Variants in RAB6A observed in about 807,000 individuals in gnomAD.
RAB6A encodes the protein RAB6A, member RAS oncogene family, also known as ras-related protein Rab-6A.
Under a neutral mutation model 32.3 loss-of-function variants are expected in RAB6A, and 8 were observed. That is an observed-to-expected ratio of 0.25 (90% CI 0.15 to 0.45). The LOEUF is 0.45. Ranked by LOEUF, RAB6A falls within the 20% of genes least tolerant of loss-of-function variation. RAB6A has a pLI of 1.00. For synonymous variants in RAB6A, 73 were observed against 82.1 expected (o/e 0.89, Z 0.60); for missense variants, 104 against 249.4 (o/e 0.42, Z 3.93).
rs1555066941 is a variant in RAB6A at position 73,739,284 on chromosome 11, AAT to A, written c.71-8463_71-8462del. On this transcript the variant is annotated intron_variant, in intron 1 of 7. Coordinates refer to ENST00000336083, the MANE Select transcript of RAB6A (RefSeq NM_198896.2). ...TAATTAAAAAAAAAAAAAAAAAAAA[AAT>A]ATATATATATATATATATAAATACT... Among the ~76,000 whole-genome samples, 17 of 6,764 alleles carry A rather than the reference AAT, an allele frequency of 2.5e-3. 1 individual carries two copies. The highest frequency in any genetic ancestry group is 5.2e-3 in the African/African-American group (16 of 3,080). The allele number at this position is 6,764 out of a possible 152,430, so 4.4% of individuals were successfully genotyped here.
At chr11:73,706,443 G>A (rs1945845018) in intron 6 of RAB6A, among the ~76,000 whole-genome samples, 1 of 151,856 alleles carries the variant, frequency 6.6e-6, no homozygotes, top group South Asian at 2.1e-4. Context: ...GAACCTGGGA[G>A]GTGAAGCTTG....
Position 73,718,641 on chromosome 11 carries a change from A to G in RAB6A, c.261T>C (p.Thr87=), listed in dbSNP as rs376077760. 4.3e-6 allele frequency: 7 copies of G among 1,613,934 alleles called. No homozygotes were observed. Among genetic ancestry groups the G allele is most frequent in the Non-Finnish European group, 5.1e-6 (6 of 1,179,964 alleles). The part of the protein sequence containing the change: ...SLIPSYIRDS[T]VAVVVYDITN... ...TGATATCATAAACAACAACTGCCACAGTGGAGTCACGAATGTAGCTAGGAA... is the reference window on the plus strand; with the variant it reads ...TGATATCATAAACAACAACTGCCACGGTGGAGTCACGAATGTAGCTAGGAA... The change falls in exon 4 of 8, where the codon ACT becomes ACC. Residue 87 remains threonine, a synonymous_variant. Coordinates refer to ENST00000336083, the MANE Select transcript of RAB6A (RefSeq NM_198896.2).
rs1240317160 is a variant in RAB6A at position 73,677,192 on chromosome 11, TCTTCTA to T, written c.*700_*705del. On this transcript the variant is annotated 3_prime_UTR_variant, in exon 8 of 8. Transcript: ENST00000336083. The stretch of plus-strand genomic sequence containing the variant: ...TTTTAGTCAGAAATACATCTTATGT[TCTTCTA>T]CTTCTAAGTACTCAGTATGTTCTTT... 1 of 167,136 alleles carries T rather than the reference TCTTCTA, an allele frequency of 6.0e-6. No homozygotes were observed. The highest frequency in any genetic ancestry group is 1.5e-5 in the Non-Finnish European group (1 of 68,134). The allele number at this position is 167,136 out of a possible 1,614,324, so 10.4% of individuals were successfully genotyped here.
At chr11:73,737,476 C>G (rs567957151) in intron 1 of RAB6A, among the ~76,000 whole-genome samples, 2 of 151,756 alleles carry the variant, frequency 1.3e-5, no homozygotes, top group Non-Finnish European at 2.9e-5. Flanking sequence ...GAGCAAGACC[C>G]TGTTTCTAAA....
intron 1 of RAB6A, among the ~76,000 whole-genome samples, chr11:73,740,859 G>A (rs1304559995): frequency 6.6e-6 from 1 of 151,334 alleles, no homozygotes; most frequent in African/African-American, 2.4e-5. Flanking sequence ...GTGCACTCCA[G>A]CCTGGGCAAC....
chr11:73,714,209 A>ATATATATATATATAT (rs1555059762), intron 5 of RAB6A, among the ~76,000 whole-genome samples: 17 of 57,550 alleles, frequency 3.0e-4, no homozygotes, highest in East Asian at 1.2e-3. Context: ...AAAAAAAAAA[A>ATATATATATATATAT]ATATATATAT....
chr11:73,718,601 C>T lies in RAB6A; in HGVS notation c.289+12G>A. 6.3e-7 allele frequency: 1 copy of T among 1,594,194 alleles called. No homozygotes were observed. Among genetic ancestry groups the T allele is most frequent in the East Asian group, 2.2e-5 (1 of 44,728 alleles). ...GAAAGAAGATTAGAAATGCATAATT[C>T]CCTCCACTCACTTGTGATATCATAA... On this transcript the variant is annotated intron_variant, in intron 4 of 7. Transcript: ENST00000336083.
intron 6 of RAB6A, among the ~76,000 whole-genome samples, chr11:73,690,821 G>A (rs1945544415): frequency 6.6e-6 from 1 of 150,848 alleles, no homozygotes; most frequent in Non-Finnish European, 1.5e-5. Context: ...AAGTGTCTCT[G>A]GACTCAGCTC....
intron 3 of RAB6A, 195 bp from the exon 4 acceptor site, chr11:73,718,913 T>TAAAAAA: frequency 8.6e-7 from 1 of 1,165,904 alleles, no homozygotes; most frequent in Non-Finnish European, 1.1e-6. Flanking sequence ...AAAAAATAAA[T>TAAAAAA]AAAAAAAAAA....
chr11:73,707,011 G>A (rs748875220), intron 6 of RAB6A, among the ~76,000 whole-genome samples: 4 of 151,708 alleles, frequency 2.6e-5, no homozygotes, highest in Non-Finnish European at 5.9e-5. Flanking sequence ...CCAGCTACCC[G>A]AGAGGCTGAG....
At chr11:73,698,517 G>T (rs1462342913) in intron 6 of RAB6A, among the ~76,000 whole-genome samples, 1 of 152,196 alleles carries the variant, frequency 6.6e-6, no homozygotes, top group African/African-American at 2.4e-5. Flanking sequence ...CTAGCAGATA[G>T]TATTTAGGCA....
At chr11:73,692,133 T>C (rs926827934) in intron 6 of RAB6A, among the ~76,000 whole-genome samples, 1 of 152,168 alleles carries the variant, frequency 6.6e-6, no homozygotes, top group Non-Finnish European at 1.5e-5. Flanking sequence ...TTCAGAGAGC[T>C]TATTTTCATA....
chr11:73,702,295 G>GA (rs1257376302), intron 6 of RAB6A, among the ~76,000 whole-genome samples: 1 of 152,096 alleles, frequency 6.6e-6, no homozygotes, highest in African/African-American at 2.4e-5. Flanking sequence ...TGAGTAGCTG[G>GA]AACTACAGGT....
In RAB6A at chr11:73,749,064, G is replaced by T. The variant is rs1328427688; in HGVS notation, c.70+11502C>A. Reference sequence around the variant, plus strand: ...CTCTTGAACCCGGAAGGCAAAGCTTGCAGTGAGCCGAGATCACGACACTGC... The same window carrying T: ...CTCTTGAACCCGGAAGGCAAAGCTTTCAGTGAGCCGAGATCACGACACTGC... On this transcript the variant is annotated intron_variant, in intron 1 of 7. Coordinates refer to ENST00000336083, the MANE Select transcript of RAB6A (RefSeq NM_198896.2). Among the ~76,000 whole-genome samples the T allele has an allele frequency of 2.0e-5, 3 of 152,076 alleles. No homozygotes were observed. In the East Asian group the frequency reaches 5.8e-4, roughly 29 times the overall value.
At chr11:73,679,348 A>T (rs934393623) in intron 7 of RAB6A, among the ~76,000 whole-genome samples, 17 of 152,220 alleles carry the variant, frequency 1.1e-4, no homozygotes, top group African/African-American at 3.9e-4. Flanking sequence ...ATGAGGAAAA[A>T]GCCTAGAGTC....
intron 6 of RAB6A, among the ~76,000 whole-genome samples, chr11:73,689,052 G>C (rs1222232050): frequency 6.6e-6 from 1 of 152,046 alleles, no homozygotes. Context: ...GAGCCCAGAA[G>C]TTGAGGCTGT....
chr11:73,725,107 A>G (rs936183255), intron 2 of RAB6A, among the ~76,000 whole-genome samples: 1 of 152,248 alleles, frequency 6.6e-6, no homozygotes, highest in Admixed American at 6.5e-5. Flanking sequence ...AAATACTGTT[A>G]CATGTACTTA....
intron 5 of RAB6A, among the ~76,000 whole-genome samples, chr11:73,709,848 T>C (rs192152619): frequency 1.2e-3 from 55 of 46,090 alleles, no homozygotes; most frequent in Admixed American, 6.6e-3. Flanking sequence ...TACACATATA[T>C]ATACATATAT....
intron 1 of RAB6A, among the ~76,000 whole-genome samples, chr11:73,731,571 GA>G (rs1946301770): frequency 6.8e-6 from 1 of 148,056 alleles, no homozygotes; most frequent in East Asian, 2.0e-4. Context: ...AAACTGACAA[GA>G]AAAGCTGTTT....
Sources: gnomAD v4.1 joint callset for allele counts (sites outside exome capture counted in the v4.1 genomes callset) on GRCh38, gnomAD v4.1.1 for gene constraint, MANE v1.5 for transcripts, NCBI Gene and HGNC (gene_info 2026-07-23, HGNC 2026-07-21) for gene names.